The following GDPD4 variants were observed in gnomAD, a reference collection of about 807,000 sequenced individuals.
The protein encoded by GDPD4 is glycerophosphodiester phosphodiesterase 6.
A neutral mutation model predicts 67.8 loss-of-function variants in GDPD4; 60 were observed. The ratio of observed to expected loss-of-function variants is 0.88; its 90% confidence interval spans 0.72 to 1.10. The LOEUF (loss-of-function observed/expected upper bound fraction) is 1.10. Ranked by LOEUF, GDPD4 falls within the 50% of genes least tolerant of loss-of-function variation. The probability of loss-of-function intolerance (pLI) is 0.00; values close to 1 mark genes in which losing one functional copy is unlikely to be tolerated. For missense variants in GDPD4, 623 were observed against 613.9 expected (o/e 1.01, Z -0.16); for synonymous variants, 212 against 210.9 (o/e 1.00, Z -0.04).
intron 12 of GDPD4, among the ~76,000 whole-genome samples, 166 bp from the exon 13 acceptor site, chr11:77,244,014 CTTTGT>C (rs1015970732): frequency 6.6e-6 from 1 of 151,946 alleles, no homozygotes; most frequent in African/African-American, 2.4e-5. Context: ...CTAGTATTTT[CTTTGT>C]TTTGTTTTGT....
intron 1 of GDPD4, among the ~76,000 whole-genome samples, chr11:77,300,512 TAGG>T (rs1565552699): frequency 1.3e-5 from 2 of 150,480 alleles, no homozygotes; most frequent in African/African-American, 2.5e-5. Flanking sequence ...ATAATCATGG[TAGG>T]AGATTTAACA....
intron 5 of GDPD4, among the ~76,000 whole-genome samples, chr11:77,273,501 A>T (rs562898717): frequency 6.6e-5 from 10 of 152,208 alleles, no homozygotes; most frequent in Non-Finnish European, 1.3e-4. Context: ...AGAAAACAAG[A>T]TTTTACTAAC....
intron 10 of GDPD4, among the ~76,000 whole-genome samples, chr11:77,259,269 C>T (rs1321401117): frequency 2.0e-5 from 3 of 152,078 alleles, no homozygotes; most frequent in East Asian, 1.9e-4. Context: ...CATGAGCCAC[C>T]GTGCCCAGCC....
chr11:77,223,196 G>A (rs890198823), intron 16 of GDPD4, among the ~76,000 whole-genome samples: 15 of 152,108 alleles, frequency 9.9e-5, no homozygotes, highest in Admixed American at 9.8e-4. Context: ...TGTTATTACC[G>A]ACCTTCTGAA....
chr11:77,239,017 C>T (rs889677186), intron 13 of GDPD4, among the ~76,000 whole-genome samples: 1 of 152,194 alleles, frequency 6.6e-6, no homozygotes, highest in African/African-American at 2.4e-5. Flanking sequence ...TGGGATTCCT[C>T]CGTGATACAA....
intron 3 of GDPD4, among the ~76,000 whole-genome samples, chr11:77,281,630 T>C (rs1959757318): frequency 6.6e-6 from 1 of 152,202 alleles, no homozygotes; most frequent in Admixed American, 6.5e-5. Context: ...CTAGAAGGAT[T>C]GGCTGAGGTA....
At chr11:77,274,518 C>G (rs1197662258) in intron 5 of GDPD4, among the ~76,000 whole-genome samples, 1 of 152,086 alleles carries the variant, frequency 6.6e-6, no homozygotes, top group African/African-American at 2.4e-5. Flanking sequence ...TCTCTTGCTC[C>G]CTTTCTTGCT....
intron 14 of GDPD4, 32 bp downstream of exon 14, chr11:77,232,993 G>C (rs758043218): frequency 6.2e-7 from 1 of 1,611,764 alleles, no homozygotes; most frequent in Admixed American, 1.7e-5. Flanking sequence ...ATCATACCAA[G>C]CCTGGAAGAA....
At chr11:77,257,559 AC>A (rs1959026927) in intron 11 of GDPD4, among the ~76,000 whole-genome samples, 1 of 130,196 alleles carries the variant, frequency 7.7e-6, no homozygotes, top group South Asian at 2.4e-4. Context: ...TCCTACACAC[AC>A]ACACACACAC....
At chr11:77,231,100 T>TA (rs1386259892) in intron 14 of GDPD4, among the ~76,000 whole-genome samples, 1 of 152,172 alleles carries the variant, frequency 6.6e-6, no homozygotes, top group East Asian at 1.9e-4. Context: ...AGACACCACC[T>TA]AGCCATCAGC....
At chr11:77,300,114 T>G (rs954431159) in intron 1 of GDPD4, among the ~76,000 whole-genome samples, 1 of 151,896 alleles carries the variant, frequency 6.6e-6, no homozygotes, top group Non-Finnish European at 1.5e-5. Flanking sequence ...GATCACCTGC[T>G]CCATCCTGAC....
At chr11:77,284,014 C>T (rs924050486) in intron 3 of GDPD4, among the ~76,000 whole-genome samples, 2 of 152,038 alleles carry the variant, frequency 1.3e-5, no homozygotes, top group Admixed American at 1.3e-4. Flanking sequence ...CACCACCATG[C>T]CTGGCTAATT....
chr11:77,235,107 C>T (rs1958535862), intron 13 of GDPD4, among the ~76,000 whole-genome samples: 1 of 132,028 alleles, frequency 7.6e-6, no homozygotes, highest in Non-Finnish European at 1.5e-5. Context: ...TTGTATCTCT[C>T]TGATGATTAG....
chr11:77,235,019 T>TTG lies in GDPD4; in HGVS notation c.1242-1848_1242-1847insCA, dbSNP rs1555115901. On this transcript the variant is annotated intron_variant, in intron 13 of 16. Transcript: ENST00000315938. ...ACCTTGTCAATATCTGTTTTTTTTTTTTTTTTTTTTTTTTTTTTGACTTTT... is the reference window on the plus strand; with the variant it reads ...ACCTTGTCAATATCTGTTTTTTTTTTTGTTTTTTTTTTTTTTTTTTGACTTTT... Among the ~76,000 whole-genome samples the TTG allele has an allele frequency of 2.3e-5, 3 of 129,888 alleles. 1 individual carries two copies. The highest frequency in any genetic ancestry group is 1.5e-4 in the Admixed American group (2 of 13,128). 85.2% of individuals were successfully genotyped at this position (129,888 alleles called of 152,430 possible).
chr11:77,233,947 A>G (rs1958501758), intron 13 of GDPD4, among the ~76,000 whole-genome samples: 1 of 152,254 alleles, frequency 6.6e-6, no homozygotes, highest in Admixed American at 6.5e-5. Context: ...TGAACTGTTT[A>G]TAGAGACAGG....
At chr11:77,254,824 AT>A (rs1451924284) in intron 11 of GDPD4, among the ~76,000 whole-genome samples, 3 of 152,220 alleles carry the variant, frequency 2.0e-5, no homozygotes, top group Non-Finnish European at 1.5e-5. Context: ...TAATAAATAC[AT>A]TAATAAATAA....
intron 16 of GDPD4, among the ~76,000 whole-genome samples, chr11:77,217,561 A>C (rs1249540225): frequency 1.3e-5 from 2 of 152,208 alleles, no homozygotes; most frequent in Non-Finnish European, 2.9e-5. Context: ...AGTCCTCAGA[A>C]AGCAGAGACT....
Position 77,229,141 on chromosome 11 carries a change from T to C in GDPD4, c.1472+9A>G. 1.4e-6 allele frequency: 2 copies of C among 1,381,454 alleles called. No individual in the cohort carries two copies. The highest frequency in any genetic ancestry group is 1.5e-5 in the African/African-American group (1 of 68,714). The allele number at this position is 1,381,454 out of a possible 1,614,324, so 85.6% of individuals were successfully genotyped here. A position where few individuals can be genotyped will look rare whatever the true frequency, so the allele number is the denominator to read the frequency against. On this transcript the variant is annotated intron_variant, in intron 15 of 16. Transcript: ENST00000315938. ...GAAAAAATTCATTTAAAATTATATA[T>C]ATACTTACCAGTGAAAACAAAATAT...
Position 77,245,276 on chromosome 11 carries a change from C to T in GDPD4, c.1086+5G>A, listed in dbSNP as rs1353959702. The T allele has an allele frequency of 1.9e-6, 3 of 1,611,512 alleles. No homozygotes were observed. The South Asian group carries it at 3.3e-5, about 18-fold the overall frequency. The stretch of plus-strand genomic sequence containing the variant: ...CCTATGTCATAAATACTGAGATAGA[C>T]TTACCAGATGTTGCTCGATTTTAGA... On this transcript the variant is annotated splice_donor_5th_base_variant and intron_variant, in intron 12 of 16. Coordinates refer to ENST00000315938, the MANE Select transcript of GDPD4 (RefSeq NM_182833.3).
Sources: allele counts gnomAD v4.1 joint callset (sites outside exome capture counted in the v4.1 genomes callset), GRCh38; gene constraint gnomAD v4.1.1; transcripts MANE v1.5; gene names NCBI Gene and HGNC (gene_info 2026-07-23, HGNC 2026-07-21).